The following AHCYL2 variants were observed in gnomAD, a reference collection of about 807,000 sequenced individuals.
The protein encoded by AHCYL2 is S-adenosylhomocysteine hydrolase-like protein 2.
AHCYL2 carries 28 observed loss-of-function variants against 81.4 expected under a neutral mutation model. The ratio of observed to expected loss-of-function variants is 0.34; its 90% CI spans 0.25 to 0.47. AHCYL2 has a LOEUF of 0.47. Among genes scored for constraint, AHCYL2 ranks in the 20% least tolerant of loss-of-function variants. The pLI, the probability that AHCYL2 is intolerant of heterozygous loss-of-function variation, is 1.00. For missense variants in AHCYL2, 551 were observed against 785.1 expected (o/e 0.70, Z 3.56); for synonymous variants, 272 against 290.2 (o/e 0.94, Z 0.64).
intron 1 of AHCYL2, among the ~76,000 whole-genome samples, chr7:129,259,322 C>T (rs1795538646): frequency 6.6e-6 from 1 of 152,080 alleles, no homozygotes; most frequent in Non-Finnish European, 1.5e-5. Context: ...GGTCTCAAAT[C>T]TTAATTTTTT....
intron 1 of AHCYL2, among the ~76,000 whole-genome samples, chr7:129,261,380 C>G (rs1014722493): frequency 5.3e-5 from 8 of 152,178 alleles, no homozygotes; most frequent in Admixed American, 2.0e-4. Flanking sequence ...TTAGTTACTT[C>G]TTTCCAGATT....
intron 1 of AHCYL2, among the ~76,000 whole-genome samples, chr7:129,369,235 C>G (rs1794255055): frequency 6.6e-6 from 1 of 152,144 alleles, no homozygotes; most frequent in African/African-American, 2.4e-5. Context: ...AATAACCATC[C>G]TTATGTTTCT....
At position 129,362,597 on chromosome 7, in the gene AHCYL2, GTTTTTTTTTTTTT is replaced by G. The variant is rs769346623; in HGVS notation, c.364-17026_364-17014del. 1.7e-4 allele frequency among the ~76,000 whole-genome samples: 11 copies of G among 63,630 alleles called. No homozygotes were observed. The East Asian group carries it at 1.8e-3, about 10-fold the overall frequency. 41.7% of individuals were successfully genotyped at this position (63,630 alleles called of 152,430 possible). ...CTAAGGAATAGTTATTGGTTTTCTT[GTTTTTTTTTTTTT>G]TTTTTTTTTTTTTTATGGTCTCAGA... On this transcript the variant is annotated intron_variant, in intron 1 of 16. Transcript: ENST00000325006.
intron 1 of AHCYL2, among the ~76,000 whole-genome samples, chr7:129,281,983 C>T (rs557140112): frequency 6.6e-6 from 1 of 152,280 alleles, no homozygotes; most frequent in Admixed American, 6.5e-5. Context: ...TGTTCTTTGA[C>T]CCATCAGTTA....
intron 1 of AHCYL2, among the ~76,000 whole-genome samples, chr7:129,302,347 C>T (rs982543769): frequency 1.5e-5 from 2 of 130,352 alleles, no homozygotes; most frequent in Non-Finnish European, 3.2e-5. Flanking sequence ...GTTTGAGTGC[C>T]CTTATATCTT....
At chr7:129,352,176 G>GT (rs1159437180) in intron 1 of AHCYL2, among the ~76,000 whole-genome samples, 1 of 151,872 alleles carries the variant, frequency 6.6e-6, no homozygotes, top group African/African-American at 2.4e-5. Context: ...TTTTAATCAT[G>GT]TATCTCTTTT....
intron 1 of AHCYL2, among the ~76,000 whole-genome samples, chr7:129,273,281 A>G (rs1246255470): frequency 1.3e-5 from 2 of 151,766 alleles, no homozygotes; most frequent in Non-Finnish European, 2.9e-5. Flanking sequence ...GCCTCAAAGT[A>G]AAGATCTCAG....
At chr7:129,284,527 A>G (rs894148338) in intron 1 of AHCYL2, among the ~76,000 whole-genome samples, 1 of 149,348 alleles carries the variant, frequency 6.7e-6, no homozygotes, top group African/African-American at 2.5e-5. Context: ...GGAACCCAGG[A>G]GGCAGAGGTT....
intron 1 of AHCYL2, among the ~76,000 whole-genome samples, chr7:129,246,566 C>T (rs1795065507): frequency 6.6e-6 from 1 of 152,144 alleles, no homozygotes; most frequent in African/African-American, 2.4e-5. Context: ...GCTGTGAACT[C>T]GGCTCACTGT....
At chr7:129,370,409 A>T (rs1794326298) in intron 1 of AHCYL2, among the ~76,000 whole-genome samples, 1 of 129,610 alleles carries the variant, frequency 7.7e-6, no homozygotes. Context: ...AAATAAAAAA[A>T]TTTGCAGCCG....
intron 1 of AHCYL2, among the ~76,000 whole-genome samples, chr7:129,238,155 G>C (rs1156364232): frequency 2.0e-5 from 3 of 152,152 alleles, no homozygotes; most frequent in African/African-American, 7.2e-5. Flanking sequence ...GCTTAAAGAA[G>C]AAATTCTTTT....
At chr7:129,246,614 C>T (rs1403772799) in intron 1 of AHCYL2, among the ~76,000 whole-genome samples, 1 of 152,148 alleles carries the variant, frequency 6.6e-6, no homozygotes, top group Non-Finnish European at 1.5e-5. Context: ...CTTCTCATCT[C>T]ACCTTCCAAG....
intron 1 of AHCYL2, among the ~76,000 whole-genome samples, chr7:129,324,130 G>A (rs7792317): frequency 0.25 from 37,664 of 151,970 alleles, 4,724 homozygotes; most frequent in South Asian, 0.37. Flanking sequence ...TGATCCACCC[G>A]CCTTGGTGTC....
intron 1 of AHCYL2, among the ~76,000 whole-genome samples, chr7:129,358,402 A>G (rs1252433438): frequency 7.8e-6 from 1 of 127,730 alleles, no homozygotes; most frequent in Non-Finnish European, 1.8e-5. Flanking sequence ...ACACACACAC[A>G]AAAAAAAAAA....
At chr7:129,425,271 T>G (rs1797309205) in intron 15 of AHCYL2, 130 bp downstream of exon 15, 2 of 733,620 alleles carry the variant, frequency 2.7e-6, no homozygotes, top group Non-Finnish European at 4.6e-6. Context: ...AAGTAGGAAT[T>G]AGGATTCCTA....
intron 1 of AHCYL2, among the ~76,000 whole-genome samples, chr7:129,245,375 A>G (rs1795015615): frequency 6.6e-6 from 1 of 152,170 alleles, no homozygotes; most frequent in African/African-American, 2.4e-5. Context: ...TTACCATTTT[A>G]TACATTTTTA....
rs1005769785 is a variant in AHCYL2 at position 129,225,186 on chromosome 7, C to A, written c.110C>A (p.Ala37Asp). 6.4e-7 allele frequency: 1 copy of A among 1,571,814 alleles called. No individual in the cohort carries two copies. Among genetic ancestry groups the A allele is most frequent in the Non-Finnish European group, 8.6e-7 (1 of 1,164,206 alleles). Residue 37 changes from alanine to aspartate, a missense_variant, in exon 1 of 17, where the codon GCC (alanine) becomes GAC (aspartate). This residue lies in a region of AHCYL2 where 235 missense variants were observed against 242.1 expected (regional missense o/e 0.97). Transcript: ENST00000325006. ...TCGCAACTAGGACTGAGCACGGCCG[C>A]CGTGGGCGCCATGGCCCCCCCGGCG... ...AESQLGLSTA[A>D]VGAMAPPAGG...
At chr7:129,347,906 A>T (rs1793419243) in intron 1 of AHCYL2, among the ~76,000 whole-genome samples, 1 of 152,194 alleles carries the variant, frequency 6.6e-6, no homozygotes, top group African/African-American at 2.4e-5. Flanking sequence ...TCAGATAGAT[A>T]TTACAGTACC....
intron 2 of AHCYL2, among the ~76,000 whole-genome samples, chr7:129,387,917 A>AGCCC (rs1288236780): frequency 6.6e-6 from 1 of 152,144 alleles, no homozygotes; most frequent in Non-Finnish European, 1.5e-5. Context: ...CTGCTGCCCA[A>AGCCC]ATGGTTTGTA....
Sources: allele counts gnomAD v4.1 joint callset (sites outside exome capture counted in the v4.1 genomes callset), GRCh38; gene constraint gnomAD v4.1.1; regional missense constraint gnomAD v4.1.1; transcripts MANE v1.5; gene names NCBI Gene and HGNC (gene_info 2026-07-23, HGNC 2026-07-21).